Variants in YLPM1 observed in about 807,000 individuals in gnomAD.
YLPM1 encodes the protein YLP motif-containing protein 1.
YLPM1 carries 99 observed loss-of-function variants against 230.0 expected under a neutral mutation model. The ratio of observed to expected loss-of-function variants is 0.43; its 90% CI spans 0.37 to 0.51. The LOEUF (loss-of-function observed/expected upper bound fraction) is 0.51, where lower values mean the gene tolerates loss of function less well. Among genes scored for constraint, YLPM1 ranks in the 20% least tolerant of loss-of-function variants. The pLI is 0.00. For missense variants in YLPM1, 2,592 were observed against 2,707.7 expected (o/e 0.96, Z 0.95); for synonymous variants, 984 against 942.5 (o/e 1.04, Z -0.81).
rs918829809 is a variant in YLPM1, at chr14:74,763,346, C to T, written c.-144C>T. On this transcript the variant is annotated 5_prime_UTR_variant, in exon 1 of 21. Coordinates refer to ENST00000325680, the MANE Select transcript of YLPM1 (RefSeq NM_019589.3). ...CGGTCGCGGGCCCAGCTCGGGAGCG[C>T]CGGCGCACTGGCGCGCTCCGTTTAC... is the stretch of plus-strand genomic sequence containing the variant. 8 of 1,047,108 alleles carry T rather than the reference C, an allele frequency of 7.6e-6. No homozygotes were observed. The South Asian group carries it at 1.8e-4, about 24-fold the overall frequency. The allele number at this position is 1,047,108 out of a possible 1,614,324, so 64.9% of individuals were successfully genotyped here. A position where few individuals can be genotyped will look rare whatever the true frequency, so the allele number is the denominator to read the frequency against.
intron 18 of YLPM1, among the ~76,000 whole-genome samples, chr14:74,825,558 A>G (rs2091555059): frequency 6.6e-6 from 1 of 152,196 alleles, no homozygotes; most frequent in African/African-American, 2.4e-5. Context: ...GTAGGAAAAT[A>G]AAAATTACAA....
At chr14:74,825,429 T>C (rs1594845830) in intron 18 of YLPM1, among the ~76,000 whole-genome samples, 1 of 152,150 alleles carries the variant, frequency 6.6e-6, no homozygotes, top group Admixed American at 6.6e-5. Flanking sequence ...GTGAAAATTA[T>C]ATGTGGTTTT....
chr14:74,818,065 A>G (rs1183771959), intron 15 of YLPM1, among the ~76,000 whole-genome samples, 166 bp from the exon 16 acceptor site: 1 of 151,996 alleles, frequency 6.6e-6, no homozygotes, highest in African/African-American at 2.4e-5. Context: ...CAAAAAAAAA[A>G]AGAAATTAGC....
chr14:74,806,041 A>G (rs1304078304), intron 6 of YLPM1, among the ~76,000 whole-genome samples: 1 of 151,200 alleles, frequency 6.6e-6, no homozygotes, highest in Non-Finnish European at 1.5e-5. Context: ...TTCCTGTCAC[A>G]TAGCCAAACA....
intron 4 of YLPM1, among the ~76,000 whole-genome samples, chr14:74,797,332 G>A (rs2091274334): frequency 6.6e-6 from 1 of 151,764 alleles, no homozygotes; most frequent in Non-Finnish European, 1.5e-5. Context: ...GTGACTTGCG[G>A]CAGGAGATGT....
intron 9 of YLPM1, 92 bp from the exon 10 acceptor site, chr14:74,811,528 G>T: frequency 1.2e-6 from 1 of 859,468 alleles, no homozygotes; most frequent in Non-Finnish European, 1.8e-6. Flanking sequence ...CCTTCCTATA[G>T]AGAAAATTGG....
intron 4 of YLPM1, among the ~76,000 whole-genome samples, chr14:74,789,641 T>C (rs563235228): frequency 1.3e-3 from 197 of 151,730 alleles, no homozygotes; most frequent in Middle Eastern, 3.4e-3. Context: ...AAAAAAATTT[T>C]ATTGAGGCAG....
Position 74,778,340 on chromosome 14 carries a change from T to A in YLPM1, c.874-107T>A, listed in dbSNP as rs144570315. On this transcript the variant is annotated intron_variant, in intron 1 of 20. Coordinates refer to ENST00000325680, the MANE Select transcript of YLPM1 (RefSeq NM_019589.3). Reference sequence around the variant, plus strand: ...TCCTCAGTCTAGCTTTGCCTTTTTTTACATATAGACACATGAACACAGACA... The same window carrying A: ...TCCTCAGTCTAGCTTTGCCTTTTTTAACATATAGACACATGAACACAGACA... The A allele has an allele frequency of 3.6e-5, 35 of 970,236 alleles. No individual in the cohort carries two copies. The African/African-American group carries it at 4.6e-4, about 13-fold the overall frequency. The allele number at this position is 970,236 out of a possible 1,614,324, so 60.1% of individuals were successfully genotyped here. A position where few individuals can be genotyped will look rare whatever the true frequency, so the allele number is the denominator to read the frequency against.
chr14:74,781,997 C>A lies in YLPM1; in HGVS notation c.1954C>A (p.Pro652Thr). Reference protein sequence around the residue: ...IPPQLTAAPVPPASSSQSSQV... With the variant: ...IPPQLTAAPVTPASSSQSSQV... ...TCCTCAGTTAACAGCAGCCCCAGTT[C>A]CACCAGCCTCCAGTTCACAGAGCTC... Residue 652 changes from proline to threonine, a missense_variant, in exon 4 of 21, where the codon CCA becomes ACA. This residue lies in a region of YLPM1 where 1,862 missense variants were observed against 1,819.8 expected (regional missense o/e 1.02). Coordinates refer to ENST00000325680, the MANE Select transcript of YLPM1 (RefSeq NM_019589.3). 1 of 1,613,800 alleles carries A rather than the reference C, an allele frequency of 6.2e-7. No homozygotes were observed. The highest frequency in any genetic ancestry group is 8.5e-7 in the Non-Finnish European group (1 of 1,179,786).
At chr14:74,808,760 C>T (rs903561594) in intron 6 of YLPM1, among the ~76,000 whole-genome samples, 4 of 149,906 alleles carry the variant, frequency 2.7e-5, no homozygotes, top group Admixed American at 2.0e-4. Flanking sequence ...GCTGAGATCG[C>T]GCCATTGCAG....
At position 74,816,306 on chromosome 14, in the gene YLPM1, T is replaced by G. The variant is rs113512367; in HGVS notation, c.5565+41T>G. The G allele has an allele frequency of 5.2e-5, 83 of 1,585,512 alleles. No individual in the cohort carries two copies. The African/African-American group carries it at 6.5e-4, about 12-fold the overall frequency. ...CTGAAAAATCAGCTGCTTGTGCTGC[T>G]TGTGTTAGTAGTCACTTGCCTTCTT... On this transcript the variant is annotated intron_variant, in intron 12 of 20. Coordinates refer to ENST00000325680, the MANE Select transcript of YLPM1 (RefSeq NM_019589.3).
intron 6 of YLPM1, 131 bp downstream of exon 6, chr14:74,802,807 GT>G: frequency 8.4e-7 from 1 of 1,186,468 alleles, no homozygotes; most frequent in Non-Finnish European, 1.1e-6. Flanking sequence ...AAACTTAAAA[GT>G]TTATGGTAAT....
At chr14:74,821,464 G>A in intron 17 of YLPM1, 1 of 179,520 alleles carries the variant, frequency 5.6e-6, no homozygotes, top group African/African-American at 2.3e-5. Context: ...CAGCAGATAT[G>A]TGGCACAGCC....
intron 4 of YLPM1, among the ~76,000 whole-genome samples, chr14:74,782,962 G>A (rs567630797): frequency 6.6e-6 from 1 of 152,172 alleles, no homozygotes; most frequent in Admixed American, 6.5e-5. Flanking sequence ...TGGTGTGTAA[G>A]TTTTTTCTCT....
chr14:74,781,480 G>A lies in YLPM1; in HGVS notation c.1437G>A (p.Glu479=). The change falls in exon 4 of 21, where the codon GAG becomes GAA. Residue 479 remains glutamate, a synonymous_variant. Transcript: ENST00000325680. ...ATAAAGATCAGCTTCAGGAGTATGA[G>A]AAGCAGTGGAAAACATGGCAGGGAC... ...YPHKDQLQEY[E]KQWKTWQGHM... 6.2e-7 allele frequency: 1 copy of A among 1,613,630 alleles called. No individual in the cohort carries two copies. Among genetic ancestry groups the A allele is most frequent in the Non-Finnish European group, 8.5e-7 (1 of 1,179,702 alleles).
chr14:74,772,678 T>G (rs2140075201), intron 1 of YLPM1, among the ~76,000 whole-genome samples: 1 of 152,254 alleles, frequency 6.6e-6, no homozygotes, highest in Non-Finnish European at 1.5e-5. Flanking sequence ...ATTCTTTATG[T>G]TTGAAATCCC....
chr14:74,794,120 C>A (rs1407967142), intron 4 of YLPM1, among the ~76,000 whole-genome samples: 4 of 152,006 alleles, frequency 2.6e-5, no homozygotes, highest in Non-Finnish European at 5.9e-5. Flanking sequence ...TTTTGAGTTC[C>A]TTGCAATGGG....
In YLPM1 at chr14:74,778,639, C is replaced by G; in HGVS notation, c.1066C>G (p.Pro356Ala). The change falls in exon 2 of 21, where the codon CCA becomes GCA. Residue 356 changes from proline (P) to alanine (A), a missense_variant. Pro to Ala is a conservative substitution (Grantham distance 27). Transcript: ENST00000325680. ...TTCTGAGGAGCCCCCATTGCCACCTCCAAATGAGGAAGTGCCACCTCCTCT... is the reference window on the plus strand; with the variant it reads ...TTCTGAGGAGCCCCCATTGCCACCTGCAAATGAGGAAGTGCCACCTCCTCT... ...PSSEEPPLPP[P>A]NEEVPPPLPP... 6.3e-7 allele frequency: 1 copy of G among 1,588,154 alleles called. No homozygotes were observed. Among genetic ancestry groups the G allele is most frequent in the Non-Finnish European group, 8.6e-7 (1 of 1,167,688 alleles).
Position 74,781,989 on chromosome 14 carries a change from C to A in YLPM1, c.1946C>A (p.Ala649Asp), listed in dbSNP as rs772770982. The A allele has an allele frequency of 1.2e-6, 2 of 1,613,734 alleles. No individual in the cohort carries two copies. Among genetic ancestry groups the A allele is most frequent in the South Asian group, 2.2e-5 (2 of 91,062 alleles). The change falls in exon 4 of 21, where the codon GCC becomes GAC. Residue 649 changes from alanine to aspartate, a missense_variant. Ala to Asp is a moderately radical substitution (Grantham distance 126). Around this residue, in one of 4 missense-constraint regions of YLPM1, gnomAD observed 1,862 missense variants for 1,819.8 expected, o/e 1.02. Transcript: ENST00000325680. ...PQGIPPQLTAAPVPPASSSQS... is the reference protein window; with the variant it reads ...PQGIPPQLTADPVPPASSSQS... ...GGGATACCTCCTCAGTTAACAGCAG[C>A]CCCAGTTCCACCAGCCTCCAGTTCA...
Sources: allele counts gnomAD v4.1 joint callset (sites outside exome capture counted in the v4.1 genomes callset), GRCh38; gene constraint gnomAD v4.1.1; regional missense constraint gnomAD v4.1.1; transcripts MANE v1.5; gene names NCBI Gene and HGNC (gene_info 2026-07-23, HGNC 2026-07-21).